Variants in PGCKA1 observed in about 807,000 individuals in gnomAD.
PGCKA1 encodes PDCD10 and GCKIII kinases associated 1.
the PGCKA1 span, among the ~76,000 whole-genome samples, chr4:37,574,328 C>A: frequency 2.0e-5 from 3 of 152,230 alleles, no homozygotes; most frequent in Admixed American, 2.0e-4. Context: ...TTGTTCAGGT[C>A]CACACGGTTC....
the PGCKA1 span, among the ~76,000 whole-genome samples, chr4:37,574,198 AAG>A: frequency 1.6e-4 from 24 of 149,352 alleles, no homozygotes; most frequent in East Asian, 4.5e-3. Flanking sequence ...AAAAAAAAAA[AAG>A]AAAAAACTCA....
At chr4:37,489,526 A>G in the PGCKA1 span, among the ~76,000 whole-genome samples, 4 of 152,144 alleles carry the variant, frequency 2.6e-5, no homozygotes, top group Non-Finnish European at 4.4e-5. Flanking sequence ...TCCACTTCAT[A>G]TAGTCATTTA....
the PGCKA1 span, among the ~76,000 whole-genome samples, chr4:37,535,221 G>A: frequency 6.6e-6 from 1 of 152,164 alleles, no homozygotes; most frequent in South Asian, 2.1e-4. Context: ...ACAGCGTGAC[G>A]TGTTTTTGAA....
At chr4:37,588,324 G>A in the PGCKA1 span, 2,959 of 152,974 alleles carry the variant, frequency 0.019, 57 homozygotes, top group Non-Finnish European at 0.024. Flanking sequence ...GCGATGACTC[G>A]GGCTATCACG....
chr4:37,544,842 T>C, the PGCKA1 span, among the ~76,000 whole-genome samples: 1 of 151,942 alleles, frequency 6.6e-6, no homozygotes, highest in East Asian at 1.9e-4. Flanking sequence ...CTTTTTTGTT[T>C]TTTTTTCTGT....
chr4:37,521,951 CTCT>C, the PGCKA1 span, among the ~76,000 whole-genome samples: 1 of 152,124 alleles, frequency 6.6e-6, no homozygotes, highest in Non-Finnish European at 1.5e-5. Flanking sequence ...CCTTCTTTGT[CTCT>C]TCTTATAGTT....
the PGCKA1 span, among the ~76,000 whole-genome samples, chr4:37,572,790 A>G: frequency 0.044 from 6,687 of 152,270 alleles, 376 homozygotes; most frequent in African/African-American, 0.13. Flanking sequence ...TGCATGAAAC[A>G]AAATTTTTAC....
chr4:37,534,471 C>G, the PGCKA1 span, among the ~76,000 whole-genome samples: 1 of 152,124 alleles, frequency 6.6e-6, no homozygotes, highest in Non-Finnish European at 1.5e-5. Flanking sequence ...TATTGAGTAC[C>G]CACTATGTGC....
chr4:37,529,920 G>A, the PGCKA1 span, among the ~76,000 whole-genome samples: 3 of 152,018 alleles, frequency 2.0e-5, no homozygotes, highest in South Asian at 2.1e-4. Context: ...TTATTATCTC[G>A]ATTTTACATA....
At chr4:37,460,897 TA>T in the PGCKA1 span, 1 of 401,374 alleles carries the variant, frequency 2.5e-6, no homozygotes, top group Non-Finnish European at 4.8e-6. Context: ...GATTTCATCA[TA>T]AAATCTTTGC....
chr4:37,569,609 C>G, the PGCKA1 span, among the ~76,000 whole-genome samples: 1 of 152,140 alleles, frequency 6.6e-6, no homozygotes, highest in Non-Finnish European at 1.5e-5. Flanking sequence ...ATAATTAGGA[C>G]TGTCATTTTG....
At chr4:37,577,047 T>C in the PGCKA1 span, among the ~76,000 whole-genome samples, 2 of 152,194 alleles carry the variant, frequency 1.3e-5, no homozygotes, top group African/African-American at 2.4e-5. Context: ...AGTTTTCTTT[T>C]TTTTGATGTG....
chr4:37,561,127 C>A, the PGCKA1 span, among the ~76,000 whole-genome samples: 17 of 152,152 alleles, frequency 1.1e-4, no homozygotes, highest in Admixed American at 1.1e-3. Context: ...CTGTTCCATC[C>A]TTTCCTTATC....
At chr4:37,458,620 T>C in the PGCKA1 span, among the ~76,000 whole-genome samples, 1 of 152,136 alleles carries the variant, frequency 6.6e-6, no homozygotes, top group Non-Finnish European at 1.5e-5. Context: ...CCTGGGTTCA[T>C]CACATGTTGG....
the PGCKA1 span, among the ~76,000 whole-genome samples, chr4:37,506,794 C>A: frequency 6.6e-6 from 1 of 151,960 alleles, no homozygotes; most frequent in Non-Finnish European, 1.5e-5. Context: ...CTATTGATTC[C>A]ATTTGGTCTA....
At chr4:37,546,140 C>G in the PGCKA1 span, among the ~76,000 whole-genome samples, 1 of 152,292 alleles carries the variant, frequency 6.6e-6, no homozygotes, top group Non-Finnish European at 1.5e-5. Context: ...GTGCTCCATA[C>G]CTTACTGTGT....
At chr4:37,525,538 C>T in the PGCKA1 span, among the ~76,000 whole-genome samples, 3 of 152,260 alleles carry the variant, frequency 2.0e-5, no homozygotes, top group East Asian at 1.9e-4. Context: ...TTCATCAGTC[C>T]GTTCTGTAAA....
chr4:37,539,918 C>T, the PGCKA1 span, among the ~76,000 whole-genome samples: 2 of 152,108 alleles, frequency 1.3e-5, no homozygotes, highest in East Asian at 3.8e-4. Context: ...CAACAGCACG[C>T]ATTTATCATT....
the PGCKA1 span, among the ~76,000 whole-genome samples, chr4:37,501,858 A>G: frequency 1.3e-5 from 2 of 152,142 alleles, no homozygotes. Flanking sequence ...GAGTTCTTGC[A>G]GTGGTTCTTT....
Sources: gnomAD v4.1 joint callset for allele counts (sites outside exome capture counted in the v4.1 genomes callset) on GRCh38, gnomAD v4.1.1 for gene constraint, MANE v1.5 for transcripts, NCBI Gene and HGNC (gene_info 2026-07-23, HGNC 2026-07-21) for gene names.